DPYD: variants seen among roughly 807,000 people sequenced by gnomAD.
The protein encoded by DPYD is dihydropyrimidine dehydrogenase [NADP(+)].
Under a neutral mutation model 116.2 loss-of-function variants are expected in DPYD, and 109 were observed. The observed-to-expected ratio is 0.94, with a 90% CI of 0.80 to 1.10. The LOEUF is 1.10. DPYD is among the 50% of genes least tolerant of loss of function. DPYD has a pLI of 0.00. For missense variants in DPYD, 1,302 were observed against 1,254.5 expected (o/e 1.04, Z -0.57); for synonymous variants, 440 against 432.0 (o/e 1.02, Z -0.23).
chr1:97,272,973 T>A (rs1172952161), intron 18 of DPYD, among the ~76,000 whole-genome samples: 1 of 152,096 alleles, frequency 6.6e-6, no homozygotes, highest in East Asian at 1.9e-4. Context: ...TTAAATCACA[T>A]TTAAGCTGAA....
At chr1:97,622,330 T>C (rs1433929008) in intron 8 of DPYD, among the ~76,000 whole-genome samples, 3 of 151,992 alleles carry the variant, frequency 2.0e-5, no homozygotes, top group Admixed American at 6.6e-5. Flanking sequence ...CAAAAACCCA[T>C]AACCCCAGTT....
At chr1:97,779,582 T>C (rs1437038719) in intron 3 of DPYD, among the ~76,000 whole-genome samples, 1 of 152,138 alleles carries the variant, frequency 6.6e-6, no homozygotes, top group Non-Finnish European at 1.5e-5. Flanking sequence ...AACTGATTTA[T>C]TCTTCTCTAT....
chr1:97,481,953 A>G (rs1228633604), intron 13 of DPYD, among the ~76,000 whole-genome samples: 1 of 152,204 alleles, frequency 6.6e-6, no homozygotes, highest in East Asian at 1.9e-4. Context: ...TAATGCACTG[A>G]TAGTAGATTA....
At chr1:97,300,322 A>G (rs899883399) in intron 18 of DPYD, among the ~76,000 whole-genome samples, 1 of 152,230 alleles carries the variant, frequency 6.6e-6, no homozygotes, top group African/African-American at 2.4e-5. Flanking sequence ...TAGATCTTCA[A>G]TGTTAAAGCC....
chr1:97,816,477 T>C (rs965077277), intron 3 of DPYD, among the ~76,000 whole-genome samples: 1 of 152,170 alleles, frequency 6.6e-6, no homozygotes, highest in African/African-American at 2.4e-5. Context: ...TTTCAATCGG[T>C]AGCAGATATC....
intron 21 of DPYD, among the ~76,000 whole-genome samples, chr1:97,097,580 A>G (rs1283822620): frequency 6.6e-6 from 1 of 152,100 alleles, no homozygotes; most frequent in African/African-American, 2.4e-5. Context: ...TCTCATTATG[A>G]CTGCTTGGAA....
At chr1:97,468,876 G>A (rs1408524200) in intron 13 of DPYD, among the ~76,000 whole-genome samples, 1 of 152,190 alleles carries the variant, frequency 6.6e-6, no homozygotes, top group Non-Finnish European at 1.5e-5. Flanking sequence ...GAGGGCATAA[G>A]TCTTGAATTT....
At chr1:97,595,263 G>T in intron 8 of DPYD, 97 bp from the exon 9 acceptor site, 1 of 895,638 alleles carries the variant, frequency 1.1e-6, no homozygotes, top group Non-Finnish European at 1.8e-6. Context: ...TTGAAATAAT[G>T]TCATTCTTAG....
chr1:97,649,977 C>T (rs907273568), intron 8 of DPYD, among the ~76,000 whole-genome samples: 2 of 151,984 alleles, frequency 1.3e-5, no homozygotes, highest in African/African-American at 4.8e-5. Context: ...CCACCGAGGC[C>T]GACAGAGTAA....
intron 3 of DPYD, among the ~76,000 whole-genome samples, chr1:97,790,491 T>G (rs1404597636): frequency 6.6e-6 from 1 of 152,196 alleles, no homozygotes; most frequent in Admixed American, 6.5e-5. Flanking sequence ...AATGTTTTCA[T>G]GGAGGGCACA....
intron 7 of DPYD, among the ~76,000 whole-genome samples, chr1:97,679,881 C>T (rs1002576513): frequency 1.3e-5 from 2 of 152,104 alleles, no homozygotes; most frequent in Non-Finnish European, 1.5e-5. Context: ...CAAGTAAGTA[C>T]TGTGATTCCC....
chr1:97,239,626 C>T (rs924276206), intron 18 of DPYD, among the ~76,000 whole-genome samples: 3 of 151,982 alleles, frequency 2.0e-5, no homozygotes, highest in African/African-American at 7.2e-5. Context: ...AAACAATTCA[C>T]ATTTGTTAGA....
intron 14 of DPYD, among the ~76,000 whole-genome samples, chr1:97,434,863 T>C (rs1193268466): frequency 1.3e-5 from 2 of 152,006 alleles, no homozygotes; most frequent in Non-Finnish European, 2.9e-5. Context: ...TTAAAAACTA[T>C]CCATAGGAAA....
At chr1:97,116,871 C>G (rs1652004701) in intron 20 of DPYD, among the ~76,000 whole-genome samples, 1 of 151,738 alleles carries the variant, frequency 6.6e-6, no homozygotes, top group Non-Finnish European at 1.5e-5. Context: ...AAGGCAACTC[C>G]AGGCCAGTGA....
At chr1:97,344,943 G>C (rs1669768991) in intron 16 of DPYD, among the ~76,000 whole-genome samples, 1 of 151,882 alleles carries the variant, frequency 6.6e-6, no homozygotes, top group South Asian at 2.1e-4. Flanking sequence ...CTTTCCACTA[G>C]TAAAATATGA....
chr1:97,209,839 T>C (rs1035665097), intron 19 of DPYD, among the ~76,000 whole-genome samples: 2 of 152,200 alleles, frequency 1.3e-5, no homozygotes, highest in Admixed American at 6.5e-5. Context: ...ATTTTGATCT[T>C]TAGACATATT....
intron 20 of DPYD, 73 bp from the exon 21 acceptor site, chr1:97,098,705 A>G: frequency 6.6e-7 from 1 of 1,516,544 alleles, no homozygotes; most frequent in Non-Finnish European, 9.0e-7. Flanking sequence ...ATAAACATAT[A>G]AATATTATCA....
At chr1:97,459,119 A>T (rs1440096514) in intron 13 of DPYD, among the ~76,000 whole-genome samples, 1 of 152,152 alleles carries the variant, frequency 6.6e-6, no homozygotes, top group African/African-American at 2.4e-5. Context: ...TGAGAAACTC[A>T]AAGTTTATCA....
chr1:97,581,999 T>C (rs1048487629), intron 10 of DPYD, among the ~76,000 whole-genome samples: 1 of 152,188 alleles, frequency 6.6e-6, no homozygotes, highest in African/African-American at 2.4e-5. Flanking sequence ...CAAACTATTG[T>C]CATTTATAAG....
Sources: gnomAD v4.1 joint callset for allele counts (sites outside exome capture counted in the v4.1 genomes callset) on GRCh38, gnomAD v4.1.1 for gene constraint, MANE v1.5 for transcripts, NCBI Gene and HGNC (gene_info 2026-07-23, HGNC 2026-07-21) for gene names.